Variants in NOL4L observed in about 807,000 individuals in gnomAD.
NOL4L encodes nucleolar protein 4-like.
A neutral mutation model predicts 64.5 loss-of-function variants in NOL4L; 7 were observed. That is an observed-to-expected ratio of 0.11 (90% CI 0.06 to 0.20). NOL4L has a LOEUF of 0.20. NOL4L is among the 10% of genes least tolerant of loss of function. NOL4L has a pLI of 1.00. For synonymous variants in NOL4L, 413 were observed against 401.0 expected (o/e 1.03, Z -0.36); for missense variants, 680 against 967.1 (o/e 0.70, Z 3.94).
chr20:32,565,633 A>G (rs1979382038), intron 1 of NOL4L, among the ~76,000 whole-genome samples: 1 of 152,148 alleles, frequency 6.6e-6, no homozygotes, highest in Non-Finnish European at 1.5e-5. Flanking sequence ...CCCTCTCTGT[A>G]AACTGGGGCT....
intron 4 of NOL4L, among the ~76,000 whole-genome samples, chr20:32,476,335 GC>G (rs1239039165): frequency 2.0e-5 from 3 of 152,164 alleles, no homozygotes; most frequent in Non-Finnish European, 2.9e-5. Flanking sequence ...AGAGAGGCTG[GC>G]AGGTGGGGGA....
intron 1 of NOL4L, among the ~76,000 whole-genome samples, chr20:32,538,478 C>A (rs4911098): frequency 1.3e-5 from 1 of 77,914 alleles, no homozygotes; most frequent in Non-Finnish European, 2.8e-5. Flanking sequence ...TCCCTCCCTC[C>A]CTCCCTCCCT....
intron 4 of NOL4L, among the ~76,000 whole-genome samples, chr20:32,488,825 CTTTTTCTTTCTTTCTTTCTTTCTT>C (rs2016291413): frequency 5.0e-4 from 19 of 37,886 alleles, no homozygotes; most frequent in South Asian, 8.5e-4. Context: ...TTCTTTCTTT[CTTTTTCTTTCTTTCTTTCTTTCTT>C]TCTTTCTTTC....
At chr20:32,567,040 G>A (rs1979472919) in intron 1 of NOL4L, among the ~76,000 whole-genome samples, 1 of 152,164 alleles carries the variant, frequency 6.6e-6, no homozygotes. Flanking sequence ...TTTGTGTCCT[G>A]GCCTTCTGCC....
At chr20:32,524,758 G>C (rs1568686311) in intron 2 of NOL4L, among the ~76,000 whole-genome samples, 1 of 152,178 alleles carries the variant, frequency 6.6e-6, no homozygotes, top group African/African-American at 2.4e-5. Flanking sequence ...CTGCAGAGTG[G>C]GGCTGAAGAG....
rs1287607535 is a variant in NOL4L at position 32,445,537 on chromosome 20, G to A, written c.*2059C>T. 2.0e-5 allele frequency: 3 copies of A among 152,198 alleles called. No homozygotes were observed. Among genetic ancestry groups the A allele is most frequent in the Non-Finnish European group, 4.4e-5 (3 of 68,028 alleles). 9.4% of individuals were successfully genotyped at this position (152,198 alleles called of 1,614,324 possible). Reference sequence around the variant, plus strand: ...ATCTTACTGATTACTTTGTAGTATTGTTCACACACAAAAATAAATATTTAC... The same window carrying A: ...ATCTTACTGATTACTTTGTAGTATTATTCACACACAAAAATAAATATTTAC... On this transcript the variant is annotated 3_prime_UTR_variant, in exon 11 of 11. Coordinates refer to ENST00000621426, the MANE Select transcript of NOL4L (RefSeq NM_001256798.2).
rs1256530052 is a variant in NOL4L at position 32,443,085 on chromosome 20, A to G, written c.*4511T>C. 1 of 152,260 alleles carries G rather than the reference A, an allele frequency of 6.6e-6. No homozygotes were observed. The highest frequency in any genetic ancestry group is 1.5e-5 in the Non-Finnish European group (1 of 68,050). The allele number at this position is 152,260 out of a possible 1,614,324, so 9.4% of individuals were successfully genotyped here. A position where few individuals can be genotyped will look rare whatever the true frequency, so the allele number is the denominator to read the frequency against. ...TCGGTTTGTTGTTCAGTGTTTATTAAGTAGATTCAGTCTTATATATGATAT... is the reference window on the plus strand; with the variant it reads ...TCGGTTTGTTGTTCAGTGTTTATTAGGTAGATTCAGTCTTATATATGATAT... On this transcript the variant is annotated 3_prime_UTR_variant, in exon 11 of 11. Transcript: ENST00000621426.
intron 10 of NOL4L, chr20:32,450,521 C>G (rs1224392571): frequency 6.6e-6 from 1 of 152,280 alleles, no homozygotes; most frequent in Non-Finnish European, 1.5e-5. Flanking sequence ...AAGGGCAGAG[C>G]CAGCTGCCTC....
chr20:32,528,998 T>C (rs1415944331), intron 1 of NOL4L, among the ~76,000 whole-genome samples: 2 of 152,210 alleles, frequency 1.3e-5, no homozygotes, highest in Non-Finnish European at 2.9e-5. Context: ...AACAAGAGGA[T>C]GTGGGCTTCG....
chr20:32,532,865 C>A (rs1412997225), intron 1 of NOL4L, among the ~76,000 whole-genome samples: 1 of 152,226 alleles, frequency 6.6e-6, no homozygotes, highest in African/African-American at 2.4e-5. Context: ...TAGGATCAAC[C>A]TCTGGGGCCT....
intron 5 of NOL4L, 152 bp from the exon 6 acceptor site, chr20:32,456,547 A>G: frequency 1.3e-6 from 1 of 752,596 alleles, no homozygotes; most frequent in Non-Finnish European, 1.9e-6. Context: ...GCCCCAGCCC[A>G]CAGCCTCAGC....
intron 4 of NOL4L, among the ~76,000 whole-genome samples, chr20:32,509,297 T>C (rs1028256533): frequency 2.0e-5 from 3 of 151,874 alleles, no homozygotes; most frequent in African/African-American, 7.3e-5. Context: ...GCAGGCAGAT[T>C]GCTTGAGCCC....
chr20:32,559,064 T>C (rs1185827177), intron 1 of NOL4L, among the ~76,000 whole-genome samples: 2 of 152,210 alleles, frequency 1.3e-5, no homozygotes, highest in Admixed American at 1.3e-4. Flanking sequence ...AAGAGAGCTG[T>C]AGTGTGGCCG....
intron 4 of NOL4L, among the ~76,000 whole-genome samples, chr20:32,488,887 C>CT (rs770784388): frequency 4.4e-5 from 5 of 113,350 alleles, no homozygotes; most frequent in Non-Finnish European, 3.6e-5. Flanking sequence ...TTCTTTCTTT[C>CT]TTTCTTTCCT....
intron 1 of NOL4L, among the ~76,000 whole-genome samples, chr20:32,573,216 T>G (rs1979874818): frequency 6.6e-6 from 1 of 152,072 alleles, no homozygotes; most frequent in Non-Finnish European, 1.5e-5. Context: ...ACAGTCTCAC[T>G]ATATTGCCAG....
intron 1 of NOL4L, among the ~76,000 whole-genome samples, chr20:32,575,246 C>T (rs1535375): frequency 0.26 from 39,821 of 151,876 alleles, 6,624 homozygotes; most frequent in East Asian, 0.75. Flanking sequence ...TGCCAGCTCA[C>T]CCCTTCAGGA....
In NOL4L at chr20:32,452,912, A is replaced by G. The variant is rs1391588588; in HGVS notation, c.1592T>C (p.Met531Thr). The G allele has an allele frequency of 6.2e-7, 1 of 1,614,046 alleles. No individual in the cohort carries two copies. The highest frequency in any genetic ancestry group is 1.3e-5 in the African/African-American group (1 of 75,032). ...TGAGGACTGGTAGATCTCTAGACGC[A>G]TCCGCTTGGCTGCCTTTCTTGTCTC... ...ESETRKAAKR[M>T]RLEIYQSSQD... is the part of the protein sequence containing the mutation. The change falls in exon 9 of 11, where the codon ATG becomes ACG. Residue 531 changes from methionine (M) to threonine (T), a missense_variant. Physicochemically the swap from Met to Thr is moderately conservative, Grantham distance 81. Around this residue, in one of 4 missense-constraint regions of NOL4L, gnomAD observed 175 missense variants for 227.0 expected, o/e 0.77. Transcript: ENST00000621426.
At position 32,535,872 on chromosome 20, in the gene NOL4L, G is replaced by A. The variant is rs547749563; in HGVS notation, c.322-7959C>T. The A allele has an allele frequency of 8.3e-4, 815 of 985,478 alleles. 1 individual carries two copies. The highest frequency in any genetic ancestry group is 4.7e-3 in the Middle Eastern group (9 of 1,916). 61.0% of individuals were successfully genotyped at this position (985,478 alleles called of 1,614,324 possible). On this transcript the variant is annotated intron_variant, in intron 1 of 10. Transcript: ENST00000621426. ...TGACAATGACTTATGAGGGCTGGAG[G>A]GAGGAGTACTGTCCAGCATCCCCGG...
At chr20:32,560,424 ACAAACTCACCCC>A (rs1978938131) in intron 1 of NOL4L, among the ~76,000 whole-genome samples, 1 of 152,230 alleles carries the variant, frequency 6.6e-6, no homozygotes, top group Non-Finnish European at 1.5e-5. Flanking sequence ...TCAAAGTGGG[ACAAACTCACCCC>A]CGACCCAGGT....
Sources: gnomAD v4.1 joint callset for allele counts (sites outside exome capture counted in the v4.1 genomes callset) on GRCh38, gnomAD v4.1.1 for gene constraint, gnomAD v4.1.1 regional missense constraint, MANE v1.5 for transcripts, NCBI Gene and HGNC (gene_info 2026-07-23, HGNC 2026-07-21) for gene names.